RYR2: variants seen among roughly 807,000 people sequenced by gnomAD.
The protein encoded by RYR2 is cardiac muscle ryanodine receptor-calcium release channel.
Under a neutral mutation model 601.1 loss-of-function variants are expected in RYR2, and 227 were observed. The ratio of observed to expected loss-of-function variants is 0.38; its 90% CI spans 0.34 to 0.42. RYR2 has a LOEUF of 0.42. RYR2 is among the 10% of genes least tolerant of loss of function. RYR2 has a pLI of 1.00. For missense variants in RYR2, 4,646 were observed against 6,156.5 expected, an observed-to-expected ratio of 0.75 and a Z score of 8.21; for synonymous variants, 2,223 against 2,175.1, an observed-to-expected ratio of 1.02 and a Z score of -0.61.
intron 29 of RYR2, among the ~76,000 whole-genome samples, chr1:237,570,498 C>T (rs1672572929): frequency 6.6e-6 from 1 of 151,776 alleles, no homozygotes; most frequent in East Asian, 2.0e-4. Flanking sequence ...ACCACCATGC[C>T]CAGCTAATTT....
At chr1:237,691,685 C>T (rs562672943) in intron 63 of RYR2, among the ~76,000 whole-genome samples, 21 of 152,140 alleles carry the variant, frequency 1.4e-4, no homozygotes, top group South Asian at 1.0e-3. Context: ...GGAAGACAAG[C>T]GGTATTACCC....
In RYR2 at chr1:237,061,708, T is replaced by A. The variant is rs10458439; in HGVS notation, c.48+19139T>A. Among the ~76,000 whole-genome samples the A allele has an allele frequency of 1.5e-3, 226 of 152,336 alleles. 6 individuals carry two copies. The East Asian group carries it at 0.04, about 27-fold the overall frequency. ...AATATCTTTTCCAACACTCTTGCTT[T>A]TCCCCCCTCTGTTACTGATGTTGTT... On this transcript the variant is annotated intron_variant, in intron 1 of 104. Coordinates refer to ENST00000366574, the MANE Select transcript of RYR2 (RefSeq NM_001035.3).
rs1295448897 is a variant in RYR2 at position 237,788,146 on chromosome 1, T to C, written c.13476+11T>C. 1 of 1,600,744 alleles carries C rather than the reference T, an allele frequency of 6.2e-7. No individual in the cohort carries two copies. Among genetic ancestry groups the C allele is most frequent in the African/African-American group, 1.3e-5 (1 of 74,470 alleles). ...CAACAGAAACTTCTAGTAAGATGTT[T>C]TAGAATGAATATTGTTACTGATATA... On this transcript the variant is annotated intron_variant, in intron 92 of 104. Transcript: ENST00000366574.
chr1:237,655,552 A>G (rs1287907769), intron 52 of RYR2, among the ~76,000 whole-genome samples: 1 of 152,220 alleles, frequency 6.6e-6, no homozygotes, highest in Non-Finnish European at 1.5e-5. Flanking sequence ...CATTGACAAT[A>G]TTAAAGTTTA....
chr1:237,261,362 C>T (rs1259262980), intron 1 of RYR2, among the ~76,000 whole-genome samples: 1 of 152,194 alleles, frequency 6.6e-6, no homozygotes, highest in Non-Finnish European at 1.5e-5. Context: ...CTTACACTGA[C>T]ATCAAGGCTT....
At chr1:237,640,788 G>GA (rs1681383796) in intron 46 of RYR2, 109 bp from the exon 47 acceptor site, 9 of 844,960 alleles carry the variant, frequency 1.1e-5, no homozygotes, top group Non-Finnish European at 1.7e-5. Flanking sequence ...AAACATATCA[G>GA]AAAAATAATG....
chr1:237,131,941 C>T (rs1558292232), intron 1 of RYR2, among the ~76,000 whole-genome samples: 1 of 151,864 alleles, frequency 6.6e-6, no homozygotes, highest in African/African-American at 2.4e-5. Context: ...CCAGGCTGGT[C>T]TCAAACTCCT....
Position 237,647,166 on chromosome 1 carries a change from A to C in RYR2, c.7343-1278A>C, listed in dbSNP as rs371055117. Among the ~76,000 whole-genome samples, 18 of 152,310 alleles carry C rather than the reference A, an allele frequency of 1.2e-4. No homozygotes were observed. In the South Asian group the frequency reaches 2.3e-3, roughly 19 times the overall value. ...GAAAATCATAATATACTGATTTGAC[A>C]CTAAGGTTAAGTCAGCTTTGGCTGG... is the stretch of plus-strand genomic sequence containing the variant. On this transcript the variant is annotated intron_variant, in intron 48 of 104. Transcript: ENST00000366574.
At chr1:237,511,453 C>T (rs1665891277) in intron 23 of RYR2, among the ~76,000 whole-genome samples, 1 of 151,940 alleles carries the variant, frequency 6.6e-6, no homozygotes, top group Middle Eastern at 3.4e-3. Context: ...GTCTGCATGG[C>T]GGGGGTTCAT....
intron 1 of RYR2, among the ~76,000 whole-genome samples, chr1:237,077,803 C>A (rs868254933): frequency 6.6e-6 from 1 of 152,214 alleles, no homozygotes; most frequent in Non-Finnish European, 1.5e-5. Flanking sequence ...AACCATCCAC[C>A]CCAAATCAAC....
At chr1:237,291,886 A>G (rs1692236543) in intron 2 of RYR2, among the ~76,000 whole-genome samples, 1 of 152,202 alleles carries the variant, frequency 6.6e-6, no homozygotes. Context: ...TCCAACACAA[A>G]GGGTTAACCC....
At chr1:237,573,656 C>CA (rs1322755350) in intron 29 of RYR2, among the ~76,000 whole-genome samples, 7 of 150,632 alleles carry the variant, frequency 4.6e-5, no homozygotes, top group African/African-American at 1.7e-4. Context: ...ACTAAAAATA[C>CA]AAAAAATTAG....
At chr1:237,554,367 T>G (rs571179613) in intron 27 of RYR2, among the ~76,000 whole-genome samples, 2 of 151,990 alleles carry the variant, frequency 1.3e-5, no homozygotes, top group African/African-American at 2.4e-5. Flanking sequence ...CATTGTCCTT[T>G]TTTACACAGA....
chr1:237,065,046 A>G, intron 1 of RYR2, among the ~76,000 whole-genome samples: 1 of 152,056 alleles, frequency 6.6e-6, no homozygotes, highest in South Asian at 2.1e-4. Context: ...GAAACTTTTT[A>G]GGTTGAAATA....
intron 12 of RYR2, among the ~76,000 whole-genome samples, chr1:237,431,818 G>A (rs1371006678): frequency 6.6e-6 from 1 of 152,078 alleles, no homozygotes; most frequent in East Asian, 1.9e-4. Flanking sequence ...TGTCCCTAGT[G>A]AGTGAATGCA....
rs531994896 is a variant in RYR2 at position 237,577,351 on chromosome 1, G to A, written c.3598+8032G>A. 7.9e-5 allele frequency among the ~76,000 whole-genome samples: 12 copies of A among 152,312 alleles called. 1 individual carries two copies. The highest frequency in any genetic ancestry group is 2.4e-4 in the African/African-American group (10 of 41,556). ...ATTGATGGCCTACTCTTGGAAATCTGTGAATATGTTACTTTACATAGCAAA... is the reference window on the plus strand; with the variant it reads ...ATTGATGGCCTACTCTTGGAAATCTATGAATATGTTACTTTACATAGCAAA... On this transcript the variant is annotated intron_variant, in intron 29 of 104. Coordinates refer to ENST00000366574, the MANE Select transcript of RYR2 (RefSeq NM_001035.3).
At chr1:237,102,970 C>T (rs371721933) in intron 1 of RYR2, among the ~76,000 whole-genome samples, 6 of 152,278 alleles carry the variant, frequency 3.9e-5, no homozygotes, top group Middle Eastern at 3.4e-3. Context: ...ATATGCACAC[C>T]GTTGTGCAAC....
Position 237,098,682 on chromosome 1 carries a change from G to A in RYR2, c.48+56113G>A, listed in dbSNP as rs1667747056. Among the ~76,000 whole-genome samples the A allele has an allele frequency of 2.0e-5, 3 of 152,126 alleles. No individual in the cohort carries two copies. In the South Asian group the frequency reaches 6.2e-4, roughly 32 times the overall value. ...AAGTGGAATGAGTCACACACAGAAA[G>A]ACAAATACTGCATGATCTCACTTAC... On this transcript the variant is annotated intron_variant, in intron 1 of 104. Coordinates refer to ENST00000366574, the MANE Select transcript of RYR2 (RefSeq NM_001035.3).
chr1:237,617,503 A>G lies in RYR2; in HGVS notation c.5916+17A>G, dbSNP rs551201970. 6.2e-7 allele frequency: 1 copy of G among 1,606,880 alleles called. No homozygotes were observed. Among genetic ancestry groups the G allele is most frequent in the Non-Finnish European group, 8.5e-7 (1 of 1,175,280 alleles). ...CAAGAACAGGTACAGAAATGAAATGAAAATTCTTCGTATTTATGTTGGCTT... is the reference window on the plus strand; with the variant it reads ...CAAGAACAGGTACAGAAATGAAATGGAAATTCTTCGTATTTATGTTGGCTT... On this transcript the variant is annotated intron_variant, in intron 38 of 104. Transcript: ENST00000366574.
Sources: allele counts gnomAD v4.1 joint callset (sites outside exome capture counted in the v4.1 genomes callset), GRCh38; gene constraint gnomAD v4.1.1; transcripts MANE v1.5; gene names NCBI Gene and HGNC (gene_info 2026-07-23, HGNC 2026-07-21).